TSHR: variants seen among roughly 807,000 people sequenced by gnomAD.
The protein encoded by TSHR is thyrotropin receptor.
Under a neutral mutation model 64.1 loss-of-function variants are expected in TSHR, and 51 were observed. That is an observed-to-expected ratio of 0.80 (90% CI 0.64 to 1.01). The LOEUF (loss-of-function observed/expected upper bound fraction) is 1.01, where lower values mean the gene tolerates loss of function less well. TSHR is among the 50% of genes least tolerant of loss of function. The pLI is 0.00. For missense variants in TSHR, 877 were observed against 942.8 expected (o/e 0.93, Z 0.91); for synonymous variants, 361 against 361.9 (o/e 1.00, Z 0.03).
intron 1 of TSHR, among the ~76,000 whole-genome samples, chr14:81,006,758 C>T (rs959245584): frequency 6.6e-6 from 1 of 152,048 alleles, no homozygotes; most frequent in Non-Finnish European, 1.5e-5. Context: ...CGTGATCTCC[C>T]CGCCTCGGTC....
At chr14:81,135,623 G>C (rs1029762069) in intron 8 of TSHR, among the ~76,000 whole-genome samples, 1 of 152,088 alleles carries the variant, frequency 6.6e-6, no homozygotes, top group Non-Finnish European at 1.5e-5. Context: ...AAATATTCAC[G>C]GCATGAACGT....
chr14:80,966,305 T>C (rs1008805854), intron 1 of TSHR, among the ~76,000 whole-genome samples: 7 of 152,198 alleles, frequency 4.6e-5, no homozygotes, highest in Non-Finnish European at 1.0e-4. Context: ...TACTCTTCCA[T>C]GAGAAAGTCT....
intron 1 of TSHR, among the ~76,000 whole-genome samples, chr14:81,038,720 C>T (rs1884776179): frequency 6.8e-6 from 1 of 147,090 alleles, no homozygotes; most frequent in Non-Finnish European, 1.5e-5. Flanking sequence ...TACCCTAGAA[C>T]TTAAAGTATA....
At chr14:81,104,602 C>T (rs1438883029) in intron 7 of TSHR, 1 of 985,302 alleles carries the variant, frequency 1.0e-6, no homozygotes, top group Non-Finnish European at 1.2e-6. Context: ...TACTGAATGG[C>T]CGCTATGTGC....
At chr14:80,977,004 C>T (rs573675013) in intron 1 of TSHR, among the ~76,000 whole-genome samples, 10 of 152,348 alleles carry the variant, frequency 6.6e-5, no homozygotes, top group Admixed American at 1.3e-4. Flanking sequence ...ATTGGCATTC[C>T]GGTTGTGCCT....
intron 8 of TSHR, chr14:81,108,910 A>G: frequency 7.1e-7 from 1 of 1,412,242 alleles, no homozygotes; most frequent in Non-Finnish European, 9.2e-7. Flanking sequence ...ATCATGGGGA[A>G]AGATGGAATA....
At chr14:81,113,311 CT>C (rs1890311470) in intron 8 of TSHR, among the ~76,000 whole-genome samples, 1 of 152,124 alleles carries the variant, frequency 6.6e-6, no homozygotes, top group African/African-American at 2.4e-5. Flanking sequence ...TCAAGGAGAA[CT>C]GTAATTATTT....
At chr14:81,085,118 C>T (rs559935698) in intron 3 of TSHR, among the ~76,000 whole-genome samples, 5 of 152,280 alleles carry the variant, frequency 3.3e-5, no homozygotes, top group African/African-American at 9.6e-5. Flanking sequence ...TAAGCCACCA[C>T]ACCCGGCTAA....
At chr14:81,032,468 T>C in intron 1 of TSHR, 1 of 314,416 alleles carries the variant, frequency 3.2e-6, no homozygotes, top group Admixed American at 3.6e-5. Context: ...ATTTCCCTTG[T>C]AAAAGCAACA....
At chr14:81,018,658 G>A (rs1326363232) in intron 1 of TSHR, among the ~76,000 whole-genome samples, 1 of 152,284 alleles carries the variant, frequency 6.6e-6, no homozygotes, top group East Asian at 1.9e-4. Flanking sequence ...AAATGAACCT[G>A]CATTCAGGGT....
At position 81,128,613 on chromosome 14, in the gene TSHR, T is replaced by C. The variant is rs541074150; in HGVS notation, c.693-11066T>C. On this transcript the variant is annotated intron_variant, in intron 8 of 9. Transcript: ENST00000298171. ...GTTTGTCTCCCACCCATGCCACGTA[T>C]TCTCTCATCCTACCTCCTATTTCTT... 2.0e-5 allele frequency among the ~76,000 whole-genome samples: 3 copies of C among 152,236 alleles called. No homozygotes were observed. The South Asian group carries it at 6.2e-4, about 32-fold the overall frequency.
At chr14:81,129,972 C>T (rs1321315317) in intron 8 of TSHR, among the ~76,000 whole-genome samples, 1 of 152,090 alleles carries the variant, frequency 6.6e-6, no homozygotes, top group African/African-American at 2.4e-5. Context: ...AACAATGTTT[C>T]GTGAATATGG....
At chr14:81,139,923 AT>A in intron 9 of TSHR, 56 bp downstream of exon 9, 1 of 1,602,688 alleles carries the variant, frequency 6.2e-7, no homozygotes, top group Non-Finnish European at 8.5e-7. Context: ...AGTGGAATTC[AT>A]TTCTTGGTTT....
intron 1 of TSHR, among the ~76,000 whole-genome samples, chr14:80,996,717 A>C (rs1889044402): frequency 6.6e-6 from 1 of 151,252 alleles, no homozygotes; most frequent in African/African-American, 2.4e-5. Flanking sequence ...GGGAGGGGGG[A>C]CTCTCTTTTG....
At chr14:81,044,803 A>C (rs913815206) in intron 1 of TSHR, among the ~76,000 whole-genome samples, 1 of 152,176 alleles carries the variant, frequency 6.6e-6, no homozygotes, top group Admixed American at 6.5e-5. Context: ...TGTCGGTGAG[A>C]GTGTAAGTTA....
intron 8 of TSHR, among the ~76,000 whole-genome samples, chr14:81,131,397 A>G (rs781720795): frequency 1.3e-5 from 2 of 152,196 alleles, no homozygotes; most frequent in African/African-American, 4.8e-5. Flanking sequence ...AGCCAGCATG[A>G]TCCTTTTTAA....
chr14:81,088,227 C>G (rs746774031), intron 4 of TSHR, among the ~76,000 whole-genome samples, 199 bp downstream of exon 4: 29 of 152,072 alleles, frequency 1.9e-4, no homozygotes, highest in Admixed American at 5.2e-4. Context: ...AATGCTGGAA[C>G]CAGAGACCTG....
In TSHR at chr14:81,137,731, T is replaced by C. The variant is rs193177238; in HGVS notation, c.693-1948T>C. Among the ~76,000 whole-genome samples the C allele has an allele frequency of 2.6e-5, 4 of 152,366 alleles. No homozygotes were observed. In the East Asian group the frequency reaches 7.7e-4, roughly 29 times the overall value. ...TATGCCACTTAGTTTTGGGGTGTTTTGTCACGCAGTAACTGAAATAATTAC... is the reference window on the plus strand; with the variant it reads ...TATGCCACTTAGTTTTGGGGTGTTTCGTCACGCAGTAACTGAAATAATTAC... On this transcript the variant is annotated intron_variant, in intron 8 of 9. Coordinates refer to ENST00000298171, the MANE Select transcript of TSHR (RefSeq NM_000369.5).
At chr14:81,041,312 T>C (rs917744048) in intron 1 of TSHR, among the ~76,000 whole-genome samples, 1 of 152,150 alleles carries the variant, frequency 6.6e-6, no homozygotes, top group African/African-American at 2.4e-5. Context: ...ATGTGTTACA[T>C]ATACACCATG....
Sources: gnomAD v4.1 joint callset for allele counts (sites outside exome capture counted in the v4.1 genomes callset) on GRCh38, gnomAD v4.1.1 for gene constraint, MANE v1.5 for transcripts, NCBI Gene and HGNC (gene_info 2026-07-23, HGNC 2026-07-21) for gene names.